The following DHRSX variants were observed in gnomAD, a reference collection of about 807,000 sequenced individuals.
The protein encoded by DHRSX is polyprenol dehydrogenase.
A neutral mutation model predicts 34.0 loss-of-function variants in DHRSX; 31 were observed. The ratio of observed to expected loss-of-function variants is 0.91; its 90% CI spans 0.69 to 1.23. The LOEUF (loss-of-function observed/expected upper bound fraction) is 1.23. Among genes scored for constraint, DHRSX ranks in the 50% most tolerant of loss-of-function variants. The pLI, the probability that DHRSX is intolerant of heterozygous loss-of-function variation, is 0.00. For synonymous variants in DHRSX, 201 were observed against 183.8 expected (o/e 1.09, Z -0.76); for missense variants, 414 against 428.1 (o/e 0.97, Z 0.29).
At chrX:2,470,214 G>A (rs1028172141) in intron 1 of DHRSX, among the ~76,000 whole-genome samples, 1 of 151,044 alleles carries the variant, frequency 6.6e-6, no homozygotes, top group Admixed American at 6.7e-5. Context: ...CGCAGAGAGT[G>A]CAATGGTGGT....
intron 2 of DHRSX, among the ~76,000 whole-genome samples, chrX:2,417,314 T>C (rs1338682156): frequency 1.3e-5 from 2 of 152,212 alleles, no homozygotes; most frequent in Non-Finnish European, 2.9e-5. Context: ...CATTGCTTTG[T>C]GCCTACAAAG....
chrX:2,265,263 C>A (rs1431494115), intron 5 of DHRSX, among the ~76,000 whole-genome samples: 1 of 2,784 alleles, frequency 3.6e-4, no homozygotes, highest in African/African-American at 2.6e-3. Flanking sequence ...GGAGCACTGT[C>A]CCCAGAGCAC....
In DHRSX at chrX:2,350,699, C is replaced by A. The variant is rs141906838; in HGVS notation, c.286+58046G>T. ...CAGTTGTGCCTAGAGTTAACAAGAC[C>A]GTATTATACATGTAACACTTTGTCA... On this transcript the variant is annotated intron_variant, in intron 3 of 6. Transcript: ENST00000334651. Among the ~76,000 whole-genome samples the A allele has an allele frequency of 4.4e-3, 662 of 152,108 alleles. 5 individuals are homozygous for A. Among genetic ancestry groups the A allele is most frequent in the African/African-American group, 0.015 (633 of 41,480 alleles).
intron 3 of DHRSX, among the ~76,000 whole-genome samples, chrX:2,342,951 G>T: frequency 6.6e-6 from 1 of 152,204 alleles, no homozygotes; most frequent in Middle Eastern, 3.4e-3. Flanking sequence ...GACAGAGCGG[G>T]AGCATGGCCA....
chrX:2,389,125 C>T (rs937236338), intron 3 of DHRSX, among the ~76,000 whole-genome samples: 6 of 152,270 alleles, frequency 3.9e-5, no homozygotes, highest in Admixed American at 1.3e-4. Flanking sequence ...TTAGAAGCGC[C>T]GCAGGTGGTC....
At chrX:2,397,689 G>GC (rs1569497100) in intron 3 of DHRSX, among the ~76,000 whole-genome samples, 3 of 151,674 alleles carry the variant, frequency 2.0e-5, no homozygotes, top group African/African-American at 7.3e-5. Flanking sequence ...GTTAAATAGC[G>GC]CGTAGAATTT....
chrX:2,310,227 G>C (rs2042146349), intron 3 of DHRSX, among the ~76,000 whole-genome samples: 1 of 152,120 alleles, frequency 6.6e-6, no homozygotes. Context: ...AGCCTGCAAA[G>C]TCTTGAGCAG....
intron 5 of DHRSX, among the ~76,000 whole-genome samples, chrX:2,243,991 G>A (rs1369293987): frequency 6.6e-6 from 1 of 151,306 alleles, no homozygotes; most frequent in Non-Finnish European, 1.5e-5. Flanking sequence ...GGCTGGTCTT[G>A]AACTCCTGAC....
chrX:2,257,816 G>A (rs1334000898), intron 5 of DHRSX, among the ~76,000 whole-genome samples: 2 of 151,994 alleles, frequency 1.3e-5, no homozygotes, highest in African/African-American at 4.8e-5. Context: ...AAGTAGAGAC[G>A]GGGTTTCACC....
At chrX:2,398,645 G>T (rs939341871) in intron 3 of DHRSX, among the ~76,000 whole-genome samples, 3 of 150,276 alleles carry the variant, frequency 2.0e-5, no homozygotes, top group Non-Finnish European at 2.9e-5. Flanking sequence ...ACGAAAAGAC[G>T]CAAAGAAACG....
At chrX:2,434,608 C>T (rs1029244949) in intron 1 of DHRSX, among the ~76,000 whole-genome samples, 2 of 152,200 alleles carry the variant, frequency 1.3e-5, no homozygotes, top group African/African-American at 4.8e-5. Flanking sequence ...GAGGTCGAGG[C>T]TGCGGCAAGC....
chrX:2,445,973 CG>C (rs2044127772), intron 1 of DHRSX, among the ~76,000 whole-genome samples: 1 of 150,846 alleles, frequency 6.6e-6, no homozygotes, highest in Non-Finnish European at 1.5e-5. Context: ...GTCAAGGGAC[CG>C]CACTGAAGAC....
At chrX:2,231,596 T>TG (rs2015882460) in intron 6 of DHRSX, among the ~76,000 whole-genome samples, 2 of 56,382 alleles carry the variant, frequency 3.5e-5, no homozygotes, top group Non-Finnish European at 6.2e-5. Flanking sequence ...TCCTCCTTTT[T>TG]CTTTTTTCCC....
intron 3 of DHRSX, 87 bp downstream of exon 3, chrX:2,408,658 G>T: frequency 1.7e-6 from 2 of 1,205,986 alleles, no homozygotes; most frequent in South Asian, 1.4e-5. Context: ...CCTGGCACGT[G>T]ACTGAAGCTC....
chrX:2,495,343 G>A (rs150235660), intron 1 of DHRSX, among the ~76,000 whole-genome samples: 4 of 151,744 alleles, frequency 2.6e-5, no homozygotes, highest in African/African-American at 9.7e-5. Flanking sequence ...ATGAACAAAG[G>A]TTTATATTCT....
At chrX:2,415,932 A>T (rs2043687776) in intron 2 of DHRSX, among the ~76,000 whole-genome samples, 1 of 151,682 alleles carries the variant, frequency 6.6e-6, no homozygotes, top group African/African-American at 2.4e-5. Context: ...ACCTAACTAG[A>T]TCTCATCATG....
At chrX:2,361,595 G>A (rs527822686) in intron 3 of DHRSX, among the ~76,000 whole-genome samples, 1 of 152,132 alleles carries the variant, frequency 6.6e-6, no homozygotes, top group Non-Finnish European at 1.5e-5. Flanking sequence ...TGGTGGGGCA[G>A]AATCTGCCCA....
At chrX:2,276,967 G>C (rs1724685339) in intron 4 of DHRSX, among the ~76,000 whole-genome samples, 1 of 14,160 alleles carries the variant, frequency 7.1e-5, no homozygotes, top group South Asian at 1.8e-3. Context: ...AGAAGGAAGA[G>C]GAGGAAATGG....
intron 1 of DHRSX, among the ~76,000 whole-genome samples, chrX:2,454,688 A>G (rs2044271563): frequency 6.6e-6 from 1 of 152,134 alleles, no homozygotes; most frequent in African/African-American, 2.4e-5. Flanking sequence ...AGAAAGGCCA[A>G]CACCATTCTA....
Sources: allele counts gnomAD v4.1 joint callset (sites outside exome capture counted in the v4.1 genomes callset), GRCh38; gene constraint gnomAD v4.1.1; transcripts MANE v1.5; gene names NCBI Gene and HGNC (gene_info 2026-07-23, HGNC 2026-07-21).